ZNF385D: variants seen among roughly 807,000 people sequenced by gnomAD.
ZNF385D encodes zinc finger protein 385D.
A neutral mutation model predicts 35.8 loss-of-function variants in ZNF385D; 15 were observed. That is an observed-to-expected ratio of 0.42 (90% CI 0.28 to 0.64). ZNF385D has a LOEUF of 0.64. Ranked by LOEUF, ZNF385D falls within the 30% of genes least tolerant of loss-of-function variation. ZNF385D has a pLI of 0.23. For missense variants in ZNF385D, 474 were observed against 494.6 expected (o/e 0.96, Z 0.39); for synonymous variants, 212 against 186.8 (o/e 1.13, Z -1.10).
intron 3 of ZNF385D, among the ~76,000 whole-genome samples, chr3:21,782,380 T>A (rs2071526693): frequency 6.6e-6 from 1 of 152,112 alleles, no homozygotes; most frequent in East Asian, 1.9e-4. Context: ...TTTAAATATT[T>A]CTTTTATAAA....
At chr3:22,038,065 A>T (rs1031905144) in intron 3 of ZNF385D, among the ~76,000 whole-genome samples, 3 of 152,142 alleles carry the variant, frequency 2.0e-5, no homozygotes, top group African/African-American at 7.2e-5. Flanking sequence ...TACACCTTAT[A>T]CAAAAATTAA....
chr3:22,335,143 C>G (rs893078509), intron 2 of ZNF385D, among the ~76,000 whole-genome samples: 1 of 152,088 alleles, frequency 6.6e-6, no homozygotes, highest in Non-Finnish European at 1.5e-5. Context: ...AGGAGAAAAG[C>G]AGCCCTTATC....
intron 3 of ZNF385D, among the ~76,000 whole-genome samples, chr3:21,869,843 A>C (rs1473731176): frequency 6.6e-6 from 1 of 152,134 alleles, no homozygotes; most frequent in African/African-American, 2.4e-5. Flanking sequence ...GTGGTATTAG[A>C]AGTAGTTCAA....
chr3:22,338,092 A>T (rs7621033), intron 2 of ZNF385D, among the ~76,000 whole-genome samples: 43,711 of 152,110 alleles, frequency 0.29, 6,526 homozygotes, highest in African/African-American at 0.34. Context: ...TCACTAAAAT[A>T]TGGTTGAAAT....
chr3:22,028,367 G>T (rs958193683), intron 3 of ZNF385D, among the ~76,000 whole-genome samples: 4 of 152,194 alleles, frequency 2.6e-5, no homozygotes, highest in South Asian at 4.1e-4. Context: ...TGGTGGCAGG[G>T]ATGGAGGTTA....
intron 3 of ZNF385D, among the ~76,000 whole-genome samples, chr3:21,872,451 A>C (rs1426190702): frequency 6.6e-6 from 1 of 152,184 alleles, no homozygotes; most frequent in Admixed American, 6.6e-5. Context: ...AAGATACTGA[A>C]GGCATTTTGG....
At chr3:22,282,885 A>C (rs183882773) in intron 2 of ZNF385D, among the ~76,000 whole-genome samples, 2 of 152,218 alleles carry the variant, frequency 1.3e-5, no homozygotes, top group Admixed American at 6.5e-5. Flanking sequence ...CTTAAAAGAC[A>C]CAGAATGGCA....
At chr3:22,301,558 AT>A (rs949031131) in intron 2 of ZNF385D, among the ~76,000 whole-genome samples, 4 of 152,070 alleles carry the variant, frequency 2.6e-5, no homozygotes, top group African/African-American at 7.2e-5. Flanking sequence ...ATTAAAATAT[AT>A]TTTTTAAATG....
chr3:21,976,079 A>G (rs1703603050), intron 3 of ZNF385D, among the ~76,000 whole-genome samples: 1 of 152,154 alleles, frequency 6.6e-6, no homozygotes, highest in Non-Finnish European at 1.5e-5. Flanking sequence ...CACCATGTAT[A>G]TGGGGAAAAC....
At chr3:22,357,814 C>T (rs780027120) in intron 2 of ZNF385D, among the ~76,000 whole-genome samples, 26 of 151,856 alleles carry the variant, frequency 1.7e-4, no homozygotes, top group Non-Finnish European at 3.2e-4. Flanking sequence ...CTTCCATTCA[C>T]ATTTCATTGG....
At chr3:21,483,331 T>G (rs1704777374) in intron 4 of ZNF385D, among the ~76,000 whole-genome samples, 1 of 152,206 alleles carries the variant, frequency 6.6e-6, no homozygotes, top group Admixed American at 6.5e-5. Context: ...TCCTCTTTAC[T>G]GCTGAGTGGT....
intron 3 of ZNF385D, among the ~76,000 whole-genome samples, chr3:21,784,649 AATG>A (rs1483271693): frequency 6.6e-6 from 1 of 150,528 alleles, no homozygotes; most frequent in Non-Finnish European, 1.5e-5. Flanking sequence ...TTAATTAATT[AATG>A]TATTTTTAAA....
chr3:21,609,109 T>G lies in ZNF385D; in HGVS notation c.166-44425A>C, dbSNP rs547876901. Among the ~76,000 whole-genome samples the G allele has an allele frequency of 2.6e-4, 40 of 152,336 alleles. No individual in the cohort carries two copies. In the South Asian group the frequency reaches 8.3e-3, roughly 32 times the overall value. On this transcript the variant is annotated intron_variant, in intron 2 of 7. Transcript: ENST00000281523. ...GCCAAATAGAATTGTGCTAAATAAC[T>G]TCTTTTTCTGCCCCATATCCCGAAG... is the stretch of plus-strand genomic sequence containing the variant.
intron 1 of ZNF385D, among the ~76,000 whole-genome samples, chr3:21,687,232 A>T (rs2067134902): frequency 6.6e-6 from 1 of 152,242 alleles, no homozygotes; most frequent in South Asian, 2.1e-4. Flanking sequence ...GTGACCCACA[A>T]GATAAATGCC....
At chr3:21,624,636 A>C (rs540800449) in intron 2 of ZNF385D, among the ~76,000 whole-genome samples, 3 of 152,094 alleles carry the variant, frequency 2.0e-5, no homozygotes, top group African/African-American at 7.2e-5. Flanking sequence ...TTGAGTGCCT[A>C]CCTAGAACTT....
intron 3 of ZNF385D, among the ~76,000 whole-genome samples, chr3:22,047,245 T>C (rs184831272): frequency 3.9e-5 from 6 of 152,110 alleles, no homozygotes; most frequent in African/African-American, 1.4e-4. Flanking sequence ...TACTTTTTTT[T>C]TGTGGTGGTA....
At chr3:21,479,361 T>C (rs780879353) in intron 4 of ZNF385D, among the ~76,000 whole-genome samples, 3 of 152,030 alleles carry the variant, frequency 2.0e-5, no homozygotes, top group Non-Finnish European at 4.4e-5. Context: ...TTATGATGTG[T>C]TAATGATCTC....
In ZNF385D at chr3:21,646,354, C is replaced by T. The variant is rs773434129; in HGVS notation, c.165+18532G>A. On this transcript the variant is annotated intron_variant, in intron 2 of 7. Transcript: ENST00000281523. This position sits in a 1 kb window ranked among gnomAD's most constrained non-coding sequence, Gnocchi z 4.3. Reference sequence around the variant, plus strand: ...AATCTACAGACAGCTTACAACAGTGCTGCACACGATTAATCTGACTTCACA... The same window carrying T: ...AATCTACAGACAGCTTACAACAGTGTTGCACACGATTAATCTGACTTCACA... 1.3e-5 allele frequency among the ~76,000 whole-genome samples: 2 copies of T among 152,156 alleles called. No individual in the cohort carries two copies. Among genetic ancestry groups the T allele is most frequent in the Non-Finnish European group, 2.9e-5 (2 of 68,032 alleles).
At chr3:21,687,873 A>C (rs926874582) in intron 1 of ZNF385D, among the ~76,000 whole-genome samples, 36 of 152,290 alleles carry the variant, frequency 2.4e-4, no homozygotes, top group Admixed American at 1.2e-3. Context: ...TGGTTATTGT[A>C]GAAAAGTCTG....
Sources: gnomAD v4.1 joint callset for allele counts (sites outside exome capture counted in the v4.1 genomes callset) on GRCh38, gnomAD v4.1.1 for gene constraint, Gnocchi (gnomAD v3.1) non-coding constraint, MANE v1.5 for transcripts, NCBI Gene and HGNC (gene_info 2026-07-23, HGNC 2026-07-21) for gene names.